Variants in CCAR2 observed in about 807,000 individuals in gnomAD.
The protein encoded by CCAR2 is cell cycle and apoptosis regulator 2.
In CCAR2, 21 loss-of-function variants were observed where a neutral mutation model predicts 108.1. The ratio of observed to expected loss-of-function variants is 0.19; its 90% confidence interval spans 0.14 to 0.28. The LOEUF is 0.28. CCAR2 is among the 10% of genes least tolerant of loss of function. CCAR2 has a pLI of 1.00. For synonymous variants in CCAR2, 577 were observed against 472.8 expected (o/e 1.22, Z -2.86); for missense variants, 1,126 against 1,177.0 (o/e 0.96, Z 0.63).
Position 22,620,340 on chromosome 8 carries a change from C to A in CCAR2, c.*658C>A, listed in dbSNP as rs1187769428. 2 of 152,492 alleles carry A rather than the reference C, an allele frequency of 1.3e-5. No homozygotes were observed. Among genetic ancestry groups the A allele is most frequent in the African/African-American group, 4.8e-5 (2 of 41,376 alleles). 9.4% of individuals were successfully genotyped at this position (152,492 alleles called of 1,614,324 possible). ...AATGTGGTATTGGCTCTGGCCCAGC[C>A]TTCTCCCCTGTTACCCATAATTCTT... On this transcript the variant is annotated 3_prime_UTR_variant, in exon 21 of 21. Coordinates refer to ENST00000308511, the MANE Select transcript of CCAR2 (RefSeq NM_001393997.1).
intron 16 of CCAR2, 27 bp downstream of exon 16, chr8:22,617,805 G>T: frequency 1.2e-6 from 2 of 1,609,608 alleles, no homozygotes; most frequent in Non-Finnish European, 1.7e-6. Flanking sequence ...ACCACTCTGG[G>T]TCTCAGTGGT....
Position 22,619,206 on chromosome 8 carries a change from G to T in CCAR2, c.2578G>T (p.Glu860Ter). 6.3e-7 allele frequency: 1 copy of T among 1,585,804 alleles called. No homozygotes were observed. Among genetic ancestry groups the T allele is most frequent in the South Asian group, 1.1e-5 (1 of 87,994 alleles). ...TEVTNKTLAA[E>*]MQELRVRLAE... ...AGTAACCAATAAGACGCTGGCGGCAGAGATGCAGGAGCTGCGAGTCCGGCT... is the reference window on the plus strand; with the variant it reads ...AGTAACCAATAAGACGCTGGCGGCATAGATGCAGGAGCTGCGAGTCCGGCT... The change falls in exon 20 of 21, where the codon GAG becomes TAG. Residue 860 changes from glutamate to a stop codon, truncating the protein, a stop_gained. Transcript: ENST00000308511. LOFTEE classifies it high-confidence loss of function.
In CCAR2 at chr8:22,615,522, A is replaced by G. The variant is rs775175182; in HGVS notation, c.1303A>G (p.Thr435Ala). The change falls in exon 12 of 21, where the codon ACT becomes GCT. Residue 435 changes from threonine to alanine, a missense_variant. Around this residue, in one of 4 missense-constraint regions of CCAR2, gnomAD observed 1,013 missense variants for 993.9 expected, o/e 1.02. Transcript: ENST00000308511. ...GCCGGATGTCTGGACCATCATGCCT[A>G]CTTTGGAGGAGTGGGAGGCCCTGTG... is the stretch of plus-strand genomic sequence containing the variant. ...YLPDVWTIMP[T>A]LEEWEALCQQ... 5 of 1,613,790 alleles carry G rather than the reference A, an allele frequency of 3.1e-6. No homozygotes were observed. Among genetic ancestry groups the G allele is most frequent in the Non-Finnish European group, 4.2e-6 (5 of 1,180,008 alleles).
rs150311322 is a variant in CCAR2, at chr8:22,616,173, C to T, written c.1770C>T (p.Ile590=). 1.0e-4 allele frequency: 162 copies of T among 1,613,950 alleles called. No individual in the cohort carries two copies. In the African/African-American group the frequency reaches 2.0e-3, roughly 20 times the overall value. Residue 590 remains isoleucine, a synonymous_variant, in exon 14 of 21, where the codon ATC becomes ATT. Transcript: ENST00000308511. ...AAGCCACCAAGGAGGAAGAAGCCATCAAAGAGGAGGTGGTCAAGGAGCCCA... is the reference window on the plus strand; with the variant it reads ...AAGCCACCAAGGAGGAAGAAGCCATTAAAGAGGAGGTGGTCAAGGAGCCCA... ...KEEATKEEEA[I]KEEVVKEPKD...
At chr8:22,617,319 G>A in intron 14 of CCAR2, 101 bp from the exon 15 acceptor site, 1 of 1,379,352 alleles carries the variant, frequency 7.2e-7, no homozygotes, top group Non-Finnish European at 9.8e-7. Flanking sequence ...CCTCCATACA[G>A]TGCCTGGGGC....
At chr8:22,616,866 C>CTTTTTTTTTTTTTTTT (rs36086286) in intron 14 of CCAR2, among the ~76,000 whole-genome samples, 1 of 54,716 alleles carries the variant, frequency 1.8e-5, no homozygotes, top group East Asian at 6.4e-4. Flanking sequence ...TACTAGTCTG[C>CTTTTTTTTTTTTTTTT]TTTTTTTTTT....
At chr8:22,607,865 A>G in intron 6 of CCAR2, 104 bp from the exon 7 acceptor site, 1 of 817,910 alleles carries the variant, frequency 1.2e-6, no homozygotes, top group South Asian at 1.6e-5. Context: ...ACCTCAAGTG[A>G]TCCATCTGCA....
rs895736693 is a variant in CCAR2 at position 22,604,966 on chromosome 8, T to G, written c.-39+124T>G. Reference sequence around the variant, plus strand: ...GCGCGGAAGGGGCCGAGCCCCTCTTTGGACTGCAAGTCCCGTCTCCCTGGC... The same window carrying G: ...GCGCGGAAGGGGCCGAGCCCCTCTTGGGACTGCAAGTCCCGTCTCCCTGGC... On this transcript the variant is annotated intron_variant, in intron 1 of 20. Coordinates refer to ENST00000308511, the MANE Select transcript of CCAR2 (RefSeq NM_001393997.1). 7 of 329,950 alleles carry G rather than the reference T, an allele frequency of 2.1e-5. No homozygotes were observed. In the East Asian group the frequency reaches 7.3e-4, roughly 34 times the overall value. 20.4% of individuals were successfully genotyped at this position (329,950 alleles called of 1,614,324 possible).
At chr8:22,607,467 G>GTTTTT (rs34256757) in intron 6 of CCAR2, 142 bp downstream of exon 6, 26 of 403,898 alleles carry the variant, frequency 6.4e-5, no homozygotes, top group South Asian at 2.0e-4. Context: ...GGTGTTTAGG[G>GTTTTT]TTTTTTTTTT....
chr8:22,612,805 G>C (rs752876258), intron 7 of CCAR2: 57 of 508,414 alleles, frequency 1.1e-4, no homozygotes, highest in Non-Finnish European at 1.8e-4. Flanking sequence ...ATGTTGCAGA[G>C]TGTGCTTTTT....
chr8:22,607,925 C>T (rs557026808), intron 6 of CCAR2, 44 bp from the exon 7 acceptor site: 42 of 1,559,562 alleles, frequency 2.7e-5, no homozygotes, highest in South Asian at 1.0e-4. Context: ...TGCACCCGGC[C>T]GGTTTTTAGG....
downstream of CCAR2, chr8:22,621,408 A>C: frequency 6.2e-7 from 1 of 1,610,376 alleles, no homozygotes; most frequent in Non-Finnish European, 8.5e-7. Flanking sequence ...GAGTCCTCCA[A>C]GAGTGACGGG....
chr8:22,616,225 G>A lies in CCAR2; in HGVS notation c.1822G>A (p.Ala608Thr). The change falls in exon 14 of 21, where the codon GCT (alanine) becomes ACT (threonine). Residue 608 changes from alanine to threonine, a missense_variant. Coordinates refer to ENST00000308511, the MANE Select transcript of CCAR2 (RefSeq NM_001393997.1). Reference protein sequence around the residue: ...PKDEAQNEGPATESEAPLKED... With the variant: ...PKDEAQNEGPTTESEAPLKED... ...GGATGAGGCACAGAATGAGGGCCCG[G>A]CTACAGAGTCAGAGGCCCCGCTGGT... is the stretch of plus-strand genomic sequence containing the variant. 1 of 1,612,980 alleles carries A rather than the reference G, an allele frequency of 6.2e-7. No individual in the cohort carries two copies. Among genetic ancestry groups the A allele is most frequent in the Non-Finnish European group, 8.5e-7 (1 of 1,180,004 alleles).
At chr8:22,608,816 T>A (rs1801174358) in intron 7 of CCAR2, among the ~76,000 whole-genome samples, 1 of 152,216 alleles carries the variant, frequency 6.6e-6, no homozygotes, top group African/African-American at 2.4e-5. Flanking sequence ...TAATGGAGAA[T>A]TTCACTATAT....
At chr8:22,618,800 T>G (rs776671993) in intron 18 of CCAR2, 27 bp from the exon 19 acceptor site, 6 of 1,613,046 alleles carry the variant, frequency 3.7e-6, no homozygotes, top group Non-Finnish European at 5.1e-6. Context: ...GACTCCATCC[T>G]GAATTCTTTT....
chr8:22,616,813 G>A (rs575982926), intron 14 of CCAR2, among the ~76,000 whole-genome samples: 67 of 134,650 alleles, frequency 5.0e-4, no homozygotes, highest in African/African-American at 1.7e-3. Context: ...AAGACTCTCT[G>A]TCTCAAAAAA....
intron 16 of CCAR2, 84 bp from the exon 17 acceptor site, chr8:22,618,265 G>A (rs1015114007): frequency 2.3e-5 from 36 of 1,578,482 alleles, no homozygotes; most frequent in Non-Finnish European, 3.0e-5. Flanking sequence ...CCAAGCCACT[G>A]GATTCTGGAC....
chr8:22,608,837 CAG>C (rs1442547034), intron 7 of CCAR2, among the ~76,000 whole-genome samples: 1 of 152,168 alleles, frequency 6.6e-6, no homozygotes, highest in African/African-American at 2.4e-5. Flanking sequence ...GCAAGGTAAA[CAG>C]AAAGGTGTGA....
At chr8:22,606,498 G>A in intron 3 of CCAR2, 109 bp from the exon 4 acceptor site, 1 of 838,774 alleles carries the variant, frequency 1.2e-6, no homozygotes, top group East Asian at 2.6e-5. Flanking sequence ...GCGAACTCTT[G>A]ATGCAGTACG....
Sources: gnomAD v4.1 joint callset for allele counts (sites outside exome capture counted in the v4.1 genomes callset) on GRCh38, gnomAD v4.1.1 for gene constraint, gnomAD v4.1.1 regional missense constraint, MANE v1.5 for transcripts, NCBI Gene and HGNC (gene_info 2026-07-23, HGNC 2026-07-21) for gene names.